ITGA2: variants seen among roughly 807,000 people sequenced by gnomAD.
The protein encoded by ITGA2 is integrin alpha-2.
In ITGA2, 101 loss-of-function variants were observed where a neutral mutation model predicts 146.3. The observed-to-expected ratio is 0.69, with a 90% CI of 0.59 to 0.81. The LOEUF (loss-of-function observed/expected upper bound fraction) is 0.81. Ranked by LOEUF, ITGA2 falls within the 40% of genes least tolerant of loss-of-function variation. The pLI is 0.00. For missense variants in ITGA2, 1,281 were observed against 1,402.7 expected, an observed-to-expected ratio of 0.91 and a Z score of 1.39; for synonymous variants, 477 against 487.1, an observed-to-expected ratio of 0.98 and a Z score of 0.27.
chr5:53,076,070 C>A (rs1251265030), intron 23 of ITGA2, among the ~76,000 whole-genome samples: 1 of 152,006 alleles, frequency 6.6e-6, no homozygotes, highest in Non-Finnish European at 1.5e-5. Context: ...GTCGATATCA[C>A]TTTAACTCAC....
At chr5:53,064,480 A>G (rs1745055817) in intron 13 of ITGA2, among the ~76,000 whole-genome samples, 1 of 151,960 alleles carries the variant, frequency 6.6e-6, no homozygotes, top group Admixed American at 6.6e-5. Flanking sequence ...CATTTTTAAT[A>G]TTAAAAAATT....
chr5:52,990,584 T>C (rs1266639838), intron 1 of ITGA2, among the ~76,000 whole-genome samples: 1 of 151,858 alleles, frequency 6.6e-6, no homozygotes, highest in Non-Finnish European at 1.5e-5. Flanking sequence ...TTTTTTTTTT[T>C]TTACAAAGAA....
intron 1 of ITGA2, among the ~76,000 whole-genome samples, chr5:53,008,229 T>C (rs977199738): frequency 6.6e-6 from 1 of 151,338 alleles, no homozygotes; most frequent in African/African-American, 2.4e-5. Flanking sequence ...TCCCGGCTTA[T>C]AGATGGGCAC....
At chr5:53,044,294 A>G (rs1487074579) in intron 3 of ITGA2, among the ~76,000 whole-genome samples, 1 of 149,050 alleles carries the variant, frequency 6.7e-6, no homozygotes, top group Non-Finnish European at 1.5e-5. Flanking sequence ...AAAAAAAAAA[A>G]AAAAAAAAAA....
intron 13 of ITGA2, 40 bp downstream of exon 13, chr5:53,062,969 A>G: frequency 6.5e-7 from 1 of 1,526,860 alleles, no homozygotes. Flanking sequence ...AATTTGCTTT[A>G]GTACTGGTAA....
In ITGA2 at chr5:53,044,919, T is replaced by A. The variant is rs1744001644; in HGVS notation, c.296-82T>A. 4 of 925,890 alleles carry A rather than the reference T, an allele frequency of 4.3e-6. No homozygotes were observed. The African/African-American group carries it at 6.6e-5, about 15-fold the overall frequency. The allele number at this position is 925,890 out of a possible 1,614,324, so 57.4% of individuals were successfully genotyped here. Reference sequence around the variant, plus strand: ...CTAAATTCAATGCTACATGCAAACATGGGTGTGCCTGTTTTCTTTTAATAT... The same window carrying A: ...CTAAATTCAATGCTACATGCAAACAAGGGTGTGCCTGTTTTCTTTTAATAT... On this transcript the variant is annotated intron_variant, in intron 3 of 29. Coordinates refer to ENST00000296585, the MANE Select transcript of ITGA2 (RefSeq NM_002203.4).
chr5:53,065,601 C>T (rs1377610350), intron 14 of ITGA2, among the ~76,000 whole-genome samples: 1 of 151,784 alleles, frequency 6.6e-6, no homozygotes, highest in Non-Finnish European at 1.5e-5. Context: ...CTGATCTTTT[C>T]ACTGGTTTAT....
At chr5:53,048,950 G>C (rs3212487) in intron 6 of ITGA2, among the ~76,000 whole-genome samples, 180 bp downstream of exon 6, 1 of 151,792 alleles carries the variant, frequency 6.6e-6, no homozygotes, top group Non-Finnish European at 1.5e-5. Flanking sequence ...GCTTTGCCCA[G>C]TGCTGGTCTT....
intron 1 of ITGA2, among the ~76,000 whole-genome samples, chr5:53,006,687 T>C (rs1741871909): frequency 6.6e-6 from 1 of 152,148 alleles, no homozygotes; most frequent in African/African-American, 2.4e-5. Flanking sequence ...CCCCTCTCTG[T>C]TAGGGTCAAA....
At chr5:53,013,024 C>T (rs909389773) in intron 1 of ITGA2, among the ~76,000 whole-genome samples, 7 of 152,116 alleles carry the variant, frequency 4.6e-5, no homozygotes, top group East Asian at 1.9e-4. Flanking sequence ...GCATAGTTTT[C>T]GAATATTCTC....
intron 1 of ITGA2, among the ~76,000 whole-genome samples, chr5:53,007,216 G>T (rs1174031339): frequency 6.6e-6 from 1 of 152,076 alleles, no homozygotes; most frequent in Non-Finnish European, 1.5e-5. Context: ...CAATCAGTTG[G>T]ATTTCCAGGA....
intron 3 of ITGA2, among the ~76,000 whole-genome samples, chr5:53,042,688 C>G (rs1743863924): frequency 6.6e-6 from 1 of 152,098 alleles, no homozygotes; most frequent in Admixed American, 6.5e-5. Flanking sequence ...GAATTATTTG[C>G]TGTTTTAATT....
chr5:52,995,747 T>G (rs1476724216), intron 1 of ITGA2, among the ~76,000 whole-genome samples: 1 of 152,128 alleles, frequency 6.6e-6, no homozygotes, highest in Non-Finnish European at 1.5e-5. Flanking sequence ...GGGATAGAGA[T>G]TTAGGAGTCA....
chr5:53,025,375 A>C (rs1742889590), intron 1 of ITGA2, among the ~76,000 whole-genome samples: 1 of 152,216 alleles, frequency 6.6e-6, no homozygotes, highest in Admixed American at 6.5e-5. Context: ...TAAGCTTTGC[A>C]GATTTTGCTA....
At chr5:52,996,962 GT>G (rs1198072597) in intron 1 of ITGA2, among the ~76,000 whole-genome samples, 1 of 152,124 alleles carries the variant, frequency 6.6e-6, no homozygotes, top group Non-Finnish European at 1.5e-5. Flanking sequence ...ACTTAGTGTT[GT>G]TTTCAAAGCA....
chr5:53,059,297 T>C (rs939117794), intron 10 of ITGA2, among the ~76,000 whole-genome samples: 8 of 151,844 alleles, frequency 5.3e-5, no homozygotes, highest in African/African-American at 1.9e-4. Flanking sequence ...CTTGTAGCTG[T>C]GCTATTATCA....
chr5:53,064,787 CT>C (rs1745067895), intron 13 of ITGA2, 124 bp from the exon 14 acceptor site: 4 of 871,354 alleles, frequency 4.6e-6, no homozygotes, highest in Non-Finnish European at 7.7e-6. Context: ...TCAAGTAGTC[CT>C]TCTGCCTCAG....
intron 4 of ITGA2, among the ~76,000 whole-genome samples, 179 bp downstream of exon 4, chr5:53,045,271 T>C (rs1015817373): frequency 1.3e-5 from 2 of 152,246 alleles, no homozygotes; most frequent in Non-Finnish European, 2.9e-5. Context: ...GTGTAGACTT[T>C]TTAGGATATT....
intron 1 of ITGA2, among the ~76,000 whole-genome samples, chr5:52,994,712 C>T (rs886253714): frequency 6.6e-6 from 1 of 152,042 alleles, no homozygotes; most frequent in Non-Finnish European, 1.5e-5. Flanking sequence ...TATAGTATGT[C>T]TTGGTGTCTT....
Sources: allele counts gnomAD v4.1 joint callset (sites outside exome capture counted in the v4.1 genomes callset), GRCh38; gene constraint gnomAD v4.1.1; transcripts MANE v1.5; gene names NCBI Gene and HGNC (gene_info 2026-07-23, HGNC 2026-07-21).